Variants in SMOX observed in about 807,000 individuals in gnomAD.
SMOX encodes the protein spermine oxidase, also known as flavin containing amine oxidase.
In SMOX, 22 loss-of-function variants were observed where a neutral mutation model predicts 51.0. That is an observed-to-expected ratio of 0.43 (90% CI 0.31 to 0.62). The LOEUF is 0.62. SMOX is among the 20% of genes least tolerant of loss of function. SMOX has a pLI of 0.10. For synonymous variants in SMOX, 282 were observed against 307.8 expected (o/e 0.92, Z 0.88); for missense variants, 566 against 777.7 (o/e 0.73, Z 3.24).
Position 4,162,165 on chromosome 20 carries a change from C to T in SMOX, c.-26-12865C>T, listed in dbSNP as rs117278209. Among the ~76,000 whole-genome samples, 116 of 152,316 alleles carry T rather than the reference C, an allele frequency of 7.6e-4. 2 individuals are homozygous for T. In the East Asian group the frequency reaches 0.014, roughly 19 times the overall value. ...CTTGCCCAGGAAGCGCAGGGCGGCC[C>T]GGGTGGGGCTGGGGCAGGCCCTGAG... On this transcript the variant is annotated intron_variant, in intron 1 of 6. Transcript: ENST00000305958.
chr20:4,183,408 G>A lies in SMOX; in HGVS notation c.1370-86G>A. 2 of 1,597,818 alleles carry A rather than the reference G, an allele frequency of 1.3e-6. No homozygotes were observed. The highest frequency in any genetic ancestry group is 1.7e-6 in the Non-Finnish European group (2 of 1,167,370). ...GGTCCTCCCGGAGCCCTGGAGGTGG[G>A]GTGGGGGGTTGTCCCTTTGGGGTCA... On this transcript the variant is annotated intron_variant, in intron 5 of 6. Coordinates refer to ENST00000305958, the MANE Select transcript of SMOX (RefSeq NM_175839.3). This position sits in a 1 kb window ranked among gnomAD's most constrained non-coding sequence, Gnocchi z 4.3.
chr20:4,183,375 G>A lies in SMOX; in HGVS notation c.1370-119G>A. 6.9e-7 allele frequency: 1 copy of A among 1,452,496 alleles called. No homozygotes were observed. The highest frequency in any genetic ancestry group is 9.6e-7 in the Non-Finnish European group (1 of 1,040,670). 90.0% of individuals were successfully genotyped at this position (1,452,496 alleles called of 1,614,324 possible). ...TCTTCTATCCTCCGTGCCTACCCCT[G>A]GCAGTCTGGTCCTCCCGGAGCCCTG... On this transcript the variant is annotated intron_variant, in intron 5 of 6. Coordinates refer to ENST00000305958, the MANE Select transcript of SMOX (RefSeq NM_175839.3). This position sits in a 1 kb window ranked among gnomAD's most constrained non-coding sequence, Gnocchi z 4.3.
At chr20:4,179,961 G>A (rs192431156) in intron 3 of SMOX, among the ~76,000 whole-genome samples, 153 of 152,306 alleles carry the variant, frequency 1.0e-3, no homozygotes, top group African/African-American at 3.2e-3. Flanking sequence ...GGCTGCCCTC[G>A]TTGGTGGCTG....
At chr20:4,175,009 T>C in intron 1 of SMOX, 21 bp from the exon 2 acceptor site, 1 of 1,607,868 alleles carries the variant, frequency 6.2e-7, no homozygotes. Flanking sequence ...CACTAAGCTG[T>C]GACACCTCCT....
rs1413521368 is a variant in SMOX at position 4,166,424 on chromosome 20, T to C, written c.-26-8606T>C. On this transcript the variant is annotated intron_variant, in intron 1 of 6. Coordinates refer to ENST00000305958, the MANE Select transcript of SMOX (RefSeq NM_175839.3). This position sits in a 1 kb window ranked among gnomAD's most constrained non-coding sequence, Gnocchi z 4.2. ...GTGCAGTGGTGTGATCATGGTTCAC[T>C]GTAGCCTCGACTTCCTAGACTGAAG... Among the ~76,000 whole-genome samples, 1 of 152,146 alleles carries C rather than the reference T, an allele frequency of 6.6e-6. No homozygotes were observed. The highest frequency in any genetic ancestry group is 6.5e-5 in the Admixed American group (1 of 15,276).
chr20:4,152,521 G>A (rs1985813866), intron 1 of SMOX, among the ~76,000 whole-genome samples: 2 of 136,708 alleles, frequency 1.5e-5, no homozygotes, highest in African/African-American at 5.7e-5. Context: ...CAGGGGGACA[G>A]GGGTGGACTG....
In SMOX at chr20:4,187,557, G is replaced by A; in HGVS notation, c.*150G>A. On this transcript the variant is annotated 3_prime_UTR_variant, in exon 7 of 7. Coordinates refer to ENST00000305958, the MANE Select transcript of SMOX (RefSeq NM_175839.3). The surrounding 1 kb of genome is among the most constrained non-coding windows in gnomAD (Gnocchi z 4.8). ...CCTGACTGCCTTCAGACCTGGCCCTGTAGCTTTTCTTTTTCTCCAGGCTGG... is the reference window on the plus strand; with the variant it reads ...CCTGACTGCCTTCAGACCTGGCCCTATAGCTTTTCTTTTTCTCCAGGCTGG... 8.5e-7 allele frequency: 1 copy of A among 1,182,300 alleles called. No homozygotes were observed. Among genetic ancestry groups the A allele is most frequent in the South Asian group, 1.6e-5 (1 of 60,658 alleles). The allele number at this position is 1,182,300 out of a possible 1,614,324, so 73.2% of individuals were successfully genotyped here.
chr20:4,155,539 G>A (rs1057206185), intron 1 of SMOX, among the ~76,000 whole-genome samples: 2 of 152,126 alleles, frequency 1.3e-5, no homozygotes, highest in Non-Finnish European at 2.9e-5. Context: ...CCTCCAGGGG[G>A]GTTATCACAC....
rs1979532798 is a variant in SMOX, at chr20:4,183,761, G to A, written c.1530+107G>A. The A allele has an allele frequency of 2.3e-6, 3 of 1,312,856 alleles. No individual in the cohort carries two copies. The highest frequency in any genetic ancestry group is 1.7e-5 in the South Asian group (1 of 59,240). 81.3% of individuals were successfully genotyped at this position (1,312,856 alleles called of 1,614,324 possible). A position where few individuals can be genotyped will look rare whatever the true frequency, so the allele number is the denominator to read the frequency against. On this transcript the variant is annotated intron_variant, in intron 6 of 6. Transcript: ENST00000305958. This position sits in a 1 kb window ranked among gnomAD's most constrained non-coding sequence, Gnocchi z 4.3. ...GTAGTGTTCACTAAGGGGTGCTCAG[G>A]TGAGGCAGGGATGGAGTAGCTTCTG...
Position 4,153,218 on chromosome 20 carries a change from G to A in SMOX, c.-27+4241G>A, listed in dbSNP as rs1220401663. Among the ~76,000 whole-genome samples the A allele has an allele frequency of 6.6e-6, 1 of 152,222 alleles. No homozygotes were observed. The highest frequency in any genetic ancestry group is 1.5e-5 in the Non-Finnish European group (1 of 68,040). On this transcript the variant is annotated intron_variant, in intron 1 of 6. Coordinates refer to ENST00000305958, the MANE Select transcript of SMOX (RefSeq NM_175839.3). This position sits in a 1 kb window ranked among gnomAD's most constrained non-coding sequence, Gnocchi z 4.4. ...ACTGTGATTTTGGGGTGCTGGGAAGGTCTGCTGCTTCTGGTTCAGCTACCG... is the reference window on the plus strand; with the variant it reads ...ACTGTGATTTTGGGGTGCTGGGAAGATCTGCTGCTTCTGGTTCAGCTACCG...
intron 1 of SMOX, among the ~76,000 whole-genome samples, chr20:4,162,178 G>C (rs1986363951): frequency 6.6e-6 from 1 of 152,220 alleles, no homozygotes; most frequent in African/African-American, 2.4e-5. Flanking sequence ...GTGGGGCTGG[G>C]GCAGGCCCTG....
rs1979493036 is a variant in SMOX, at chr20:4,183,340, C to T, written c.1370-154C>T. 4 of 1,123,894 alleles carry T rather than the reference C, an allele frequency of 3.6e-6. No individual in the cohort carries two copies. Among genetic ancestry groups the T allele is most frequent in the Non-Finnish European group, 5.3e-6 (4 of 761,090 alleles). 69.6% of individuals were successfully genotyped at this position (1,123,894 alleles called of 1,614,324 possible). ...GGGTACACAGCTCGAGCCCCAGCCT[C>T]CCTCCTTCCTCTTCTATCCTCCGTG... On this transcript the variant is annotated intron_variant, in intron 5 of 6. Coordinates refer to ENST00000305958, the MANE Select transcript of SMOX (RefSeq NM_175839.3). This position sits in a 1 kb window ranked among gnomAD's most constrained non-coding sequence, Gnocchi z 4.3.
chr20:4,160,065 C>G (rs1408952544), intron 1 of SMOX, among the ~76,000 whole-genome samples: 1 of 152,156 alleles, frequency 6.6e-6, no homozygotes, highest in Non-Finnish European at 1.5e-5. Context: ...AGAACTTGTC[C>G]CTGGCCCTAT....
At chr20:4,168,230 G>T (rs964801902) in intron 1 of SMOX, among the ~76,000 whole-genome samples, 7 of 152,166 alleles carry the variant, frequency 4.6e-5, no homozygotes, top group African/African-American at 1.7e-4. Context: ...GCTGGTCGGG[G>T]GCAAGTGAGC....
At chr20:4,174,790 C>T (rs1457443188) in intron 1 of SMOX, among the ~76,000 whole-genome samples, 1 of 152,196 alleles carries the variant, frequency 6.6e-6, no homozygotes, top group Non-Finnish European at 1.5e-5. Context: ...CTTTCTCCTT[C>T]CCTTCCCTTT....
Position 4,175,452 on chromosome 20 carries a change from C to G in SMOX, c.208+189C>G, listed in dbSNP as rs1978763863. Among the ~76,000 whole-genome samples the G allele has an allele frequency of 2.6e-5, 4 of 152,200 alleles. No homozygotes were observed. The South Asian group carries it at 8.3e-4, about 31-fold the overall frequency. ...CCTCTGAGGCGGGCATGGTAGGGCCCTGACTTTCACTTGTGGAGAATGCTG... is the reference window on the plus strand; with the variant it reads ...CCTCTGAGGCGGGCATGGTAGGGCCGTGACTTTCACTTGTGGAGAATGCTG... On this transcript the variant is annotated intron_variant, in intron 2 of 6. Transcript: ENST00000305958.
At chr20:4,154,721 G>A (rs1765002) in intron 1 of SMOX, among the ~76,000 whole-genome samples, 33,510 of 152,030 alleles carry the variant, frequency 0.22, 4,678 homozygotes, top group African/African-American at 0.38. Flanking sequence ...CATGGAGCAC[G>A]CTTTGTATAG....
Position 4,153,253 on chromosome 20 carries a change from T to C in SMOX, c.-27+4276T>C, listed in dbSNP as rs1247410723. Among the ~76,000 whole-genome samples the C allele has an allele frequency of 6.6e-6, 1 of 152,256 alleles. No homozygotes were observed. Among genetic ancestry groups the C allele is most frequent in the Non-Finnish European group, 1.5e-5 (1 of 68,038 alleles). On this transcript the variant is annotated intron_variant, in intron 1 of 6. Coordinates refer to ENST00000305958, the MANE Select transcript of SMOX (RefSeq NM_175839.3). The surrounding 1 kb of genome is among the most constrained non-coding windows in gnomAD (Gnocchi z 4.4). ...TCTGGTTCAGCTACCGCTTTCTGCC[T>C]GAGATGCCATCATTAGAATGTCACC...
At position 4,182,054 on chromosome 20, in the gene SMOX, G is replaced by C; in HGVS notation, c.610-35G>C. ...CTGCTCCTACCCCTGCCCAACCCCG[G>C]CGGTCACCTGGCTTCTCCTTGGGTC... is the stretch of plus-strand genomic sequence containing the variant. On this transcript the variant is annotated intron_variant, in intron 4 of 6. Transcript: ENST00000305958. This position sits in a 1 kb window ranked among gnomAD's most constrained non-coding sequence, Gnocchi z 8.4. The C allele has an allele frequency of 6.3e-7, 1 of 1,585,658 alleles. No homozygotes were observed.
Sources: allele counts gnomAD v4.1 joint callset (sites outside exome capture counted in the v4.1 genomes callset), GRCh38; gene constraint gnomAD v4.1.1; non-coding constraint Gnocchi (gnomAD v3.1); transcripts MANE v1.5; gene names NCBI Gene and HGNC (gene_info 2026-07-23, HGNC 2026-07-21).